PTPRN2: variants seen among roughly 807,000 people sequenced by gnomAD.
PTPRN2 encodes protein tyrosine phosphatase receptor type N2.
In PTPRN2, 74 loss-of-function variants were observed where a neutral mutation model predicts 118.8. The observed-to-expected ratio is 0.62, with a 90% CI of 0.52 to 0.76. The LOEUF is 0.76. Ranked by LOEUF, PTPRN2 falls within the 30% of genes least tolerant of loss-of-function variation. The pLI, the probability that PTPRN2 is intolerant of heterozygous loss-of-function variation, is 0.00. For synonymous variants in PTPRN2, 641 were observed against 608.0 expected (o/e 1.05, Z -0.80); for missense variants, 1,481 against 1,394.4 (o/e 1.06, Z -0.99).
intron 12 of PTPRN2, among the ~76,000 whole-genome samples, chr7:157,723,000 T>G (rs1799329758): frequency 6.6e-6 from 1 of 152,216 alleles, no homozygotes; most frequent in Admixed American, 6.5e-5. Flanking sequence ...CTGCAGAGTT[T>G]CGTTACCATT....
chr7:157,568,265 C>G (rs1386481231), intron 21 of PTPRN2, among the ~76,000 whole-genome samples: 2 of 152,220 alleles, frequency 1.3e-5, no homozygotes, highest in African/African-American at 4.8e-5. Flanking sequence ...TGCTGCCGCT[C>G]TGCCAAACCT....
intron 1 of PTPRN2, among the ~76,000 whole-genome samples, chr7:158,550,292 C>G (rs1451550401): frequency 3.9e-5 from 6 of 152,238 alleles, no homozygotes; most frequent in Non-Finnish European, 1.5e-5. Context: ...CAGCCTGCCC[C>G]TCAGGACATC....
At chr7:157,613,884 A>T in intron 15 of PTPRN2, 2 of 376,700 alleles carry the variant, frequency 5.3e-6, no homozygotes, top group South Asian at 2.0e-5. Flanking sequence ...TCTCACCACG[A>T]GCAGACCTCG....
intron 11 of PTPRN2, among the ~76,000 whole-genome samples, chr7:158,049,520 G>A (rs917549669): frequency 6.6e-6 from 1 of 152,166 alleles, no homozygotes; most frequent in African/African-American, 2.4e-5. Context: ...GCTGATCCTT[G>A]AGCTGAAGTT....
chr7:157,669,507 G>A lies in PTPRN2; in HGVS notation c.2002-12956C>T, dbSNP rs769836086. The A allele has an allele frequency of 2.9e-5, 14 of 480,916 alleles. No homozygotes were observed. In the East Asian group the frequency reaches 5.0e-4, roughly 17 times the overall value. The allele number at this position is 480,916 out of a possible 1,614,324, so 29.8% of individuals were successfully genotyped here. On this transcript the variant is annotated intron_variant, in intron 13 of 22. Transcript: ENST00000389418. ...CACAGAGCTCTGCAGGCCCCTCCCC[G>A]CTCCTGACACACGACGACACCCAGT...
intron 11 of PTPRN2, among the ~76,000 whole-genome samples, chr7:158,058,393 C>A (rs1353141308): frequency 3.4e-3 from 438 of 129,706 alleles, no homozygotes; most frequent in Middle Eastern, 9.5e-3. Context: ...CTCCATCTGC[C>A]CACGGTGAGA....
rs1047379623 is a variant in PTPRN2, at chr7:157,787,983, G to A, written c.1789-105046C>T. Among the ~76,000 whole-genome samples the A allele has an allele frequency of 1.1e-4, 16 of 152,244 alleles. No homozygotes were observed. The highest frequency in any genetic ancestry group is 2.4e-4 in the African/African-American group (10 of 41,536). On this transcript the variant is annotated intron_variant, in intron 12 of 22. Coordinates refer to ENST00000389418, the MANE Select transcript of PTPRN2 (RefSeq NM_002847.5). The surrounding 1 kb of genome is among the most constrained non-coding windows in gnomAD (Gnocchi z 5.3). The stretch of plus-strand genomic sequence containing the variant: ...CGGGTCCCCTGGGAACCACGCAGCC[G>A]GGGCCTGGAGGCCGACACAAGCCAG...
intron 1 of PTPRN2, among the ~76,000 whole-genome samples, chr7:158,564,545 G>C (rs1395707805): frequency 2.6e-5 from 4 of 152,252 alleles, no homozygotes; most frequent in Non-Finnish European, 5.9e-5. Flanking sequence ...GCAGCACGGG[G>C]CTAGGCAGTT....
At chr7:158,221,128 A>G (rs2150792747) in intron 3 of PTPRN2, among the ~76,000 whole-genome samples, 2 of 152,298 alleles carry the variant, frequency 1.3e-5, no homozygotes, top group Middle Eastern at 6.8e-3. Flanking sequence ...AGGACTCCCT[A>G]TTCAATAAAT....
intron 2 of PTPRN2, among the ~76,000 whole-genome samples, chr7:158,441,883 A>G (rs28695840): frequency 8.3e-3 from 313 of 37,532 alleles, no homozygotes; most frequent in Middle Eastern, 0.018. Flanking sequence ...TGGTGGTGAT[A>G]GTGATAGTGA....
chr7:158,071,280 GTGGTGGTGGAGGTGC>G (rs1563390247), intron 11 of PTPRN2, among the ~76,000 whole-genome samples: 3 of 71,714 alleles, frequency 4.2e-5, no homozygotes, highest in South Asian at 4.7e-4. Flanking sequence ...GGAGGTGCCC[GTGGTGGTGGAGGTGC>G]TCGTGGTGGA....
At chr7:157,781,086 C>T (rs1418408777) in intron 12 of PTPRN2, among the ~76,000 whole-genome samples, 2 of 152,220 alleles carry the variant, frequency 1.3e-5, no homozygotes, top group Non-Finnish European at 2.9e-5. Flanking sequence ...CTCTGCGGAA[C>T]AAGACAAGGG....
intron 13 of PTPRN2, among the ~76,000 whole-genome samples, chr7:157,677,924 T>G (rs1345159573): frequency 6.6e-6 from 1 of 152,208 alleles, no homozygotes; most frequent in Non-Finnish European, 1.5e-5. Context: ...TCCCGGGGCC[T>G]GGAGTCTGTT....
intron 2 of PTPRN2, among the ~76,000 whole-genome samples, chr7:158,340,240 C>A (rs547748605): frequency 0.11 from 5,838 of 53,788 alleles, no homozygotes; most frequent in African/African-American, 0.15. Flanking sequence ...CACTCACACC[C>A]ACACTCTCAC....
intron 21 of PTPRN2, among the ~76,000 whole-genome samples, chr7:157,565,119 AAAG>A (rs1182420741): frequency 3.3e-5 from 5 of 152,234 alleles, no homozygotes; most frequent in African/African-American, 4.8e-5. Context: ...TCGCGGAAAC[AAAG>A]AAGAACGGAA....
rs541824493 is a variant in PTPRN2 at position 157,554,784 on chromosome 7, G to A, written c.2903-5765C>T. ...GATGTCTACCGGGGACAGAGCGTGG[G>A]GTCCACGGAGAAGTCCCAGGCGTTT... On this transcript the variant is annotated intron_variant, in intron 21 of 22. Transcript: ENST00000389418. Among the ~76,000 whole-genome samples, 6 of 152,344 alleles carry A rather than the reference G, an allele frequency of 3.9e-5. 1 individual carries two copies. The highest frequency in any genetic ancestry group is 1.4e-4 in the African/African-American group (6 of 41,574).
At chr7:158,130,872 C>T (rs573684638) in intron 9 of PTPRN2, among the ~76,000 whole-genome samples, 12 of 149,568 alleles carry the variant, frequency 8.0e-5, no homozygotes, top group African/African-American at 2.7e-4. Context: ...CTCATATACA[C>T]GCATGCATAT....
At position 158,277,070 on chromosome 7, in the gene PTPRN2, G is replaced by A. The variant is rs1409600974; in HGVS notation, c.277+39749C>T. Among the ~76,000 whole-genome samples the A allele has an allele frequency of 3.9e-5, 6 of 152,146 alleles. No homozygotes were observed. The South Asian group carries it at 6.2e-4, about 16-fold the overall frequency. On this transcript the variant is annotated intron_variant, in intron 3 of 22. Coordinates refer to ENST00000389418, the MANE Select transcript of PTPRN2 (RefSeq NM_002847.5). ...CAAGAGTGGCTGATCAGAGCTCCAT[G>A]AACAGCCCCTTCGTCAGAAGCCATC...
intron 3 of PTPRN2, among the ~76,000 whole-genome samples, chr7:158,239,134 C>T (rs1021089198): frequency 1.3e-5 from 2 of 152,184 alleles, no homozygotes; most frequent in African/African-American, 2.4e-5. Flanking sequence ...CCCTGAGGAC[C>T]GAGGGCCTTC....
Sources: gnomAD v4.1 joint callset for allele counts (sites outside exome capture counted in the v4.1 genomes callset) on GRCh38, gnomAD v4.1.1 for gene constraint, Gnocchi (gnomAD v3.1) non-coding constraint, MANE v1.5 for transcripts, NCBI Gene and HGNC (gene_info 2026-07-23, HGNC 2026-07-21) for gene names.